The following DNAH12 variants were observed in gnomAD, a reference collection of about 807,000 sequenced individuals.
DNAH12 encodes dynein axonemal heavy chain 12.
In DNAH12, 285 loss-of-function variants were observed where a neutral mutation model predicts 371.5. That is an observed-to-expected ratio of 0.77 (90% CI 0.70 to 0.85). The LOEUF (loss-of-function observed/expected upper bound fraction) is 0.85, where lower values mean the gene tolerates loss of function less well. DNAH12 is among the 40% of genes least tolerant of loss of function. The pLI is 0.00. For missense variants in DNAH12, 3,611 were observed against 3,689.4 expected, an observed-to-expected ratio of 0.98 and a Z score of 0.55; for synonymous variants, 1,200 against 1,213.0, an observed-to-expected ratio of 0.99 and a Z score of 0.22.
At chr3:57,546,334 G>A (rs111533274), upstream of DNAH12, among the ~76,000 whole-genome samples, 48 of 152,164 alleles carry the variant, frequency 3.2e-4, no homozygotes, top group African/African-American at 1.1e-3. Context: ...TCTTGGAGGT[G>A]GGACAAATAA....
At chr3:57,360,101 C>T (rs1395808843) in intron 58 of DNAH12, among the ~76,000 whole-genome samples, 1 of 152,042 alleles carries the variant, frequency 6.6e-6, no homozygotes, top group Non-Finnish European at 1.5e-5. Context: ...ATAAATGCTC[C>T]CTATCTTCTC....
chr3:57,472,717 A>T, intron 13 of DNAH12, 46 bp from the exon 14 acceptor site: 1 of 1,516,710 alleles, frequency 6.6e-7, no homozygotes, highest in Non-Finnish European at 8.9e-7. Context: ...GAAAATCTAC[A>T]TCATTATGAA....
intron 58 of DNAH12, among the ~76,000 whole-genome samples, chr3:57,359,677 TA>T (rs2062880583): frequency 6.6e-6 from 1 of 151,850 alleles, no homozygotes; most frequent in Non-Finnish European, 1.5e-5. Context: ...TATTTATATA[TA>T]TTATACTTTC....
intron 12 of DNAH12, among the ~76,000 whole-genome samples, chr3:57,488,000 C>T (rs1391046118): frequency 2.6e-5 from 4 of 151,684 alleles, no homozygotes; most frequent in African/African-American, 7.3e-5. Flanking sequence ...TTGATATCTT[C>T]TCGTGTAGTA....
chr3:57,510,827 C>T lies in DNAH12; in HGVS notation c.432G>A (p.Val144=). The T allele has an allele frequency of 6.2e-7, 1 of 1,614,024 alleles. No homozygotes were observed. The highest frequency in any genetic ancestry group is 1.3e-5 in the African/African-American group (1 of 75,030). The change falls in exon 5 of 74, where the codon GTG becomes GTA. Residue 144 remains valine (V), a synonymous_variant. Transcript: ENST00000495027. ...EELLESLINE[V]SSDFENSMKR... ...TCATGCTGTTTTCAAAGTCACTTGA[C>T]ACCTCATTTATGAGACTTTCAAGAA...
At chr3:57,404,916 A>G in intron 42 of DNAH12, 53 bp downstream of exon 42, 15 of 1,403,114 alleles carry the variant, frequency 1.1e-5, no homozygotes, top group Admixed American at 3.5e-5. Flanking sequence ...CAAACATTTC[A>G]TAATAACATT....
chr3:57,333,353 T>A (rs1037236550), intron 62 of DNAH12, among the ~76,000 whole-genome samples: 1 of 133,566 alleles, frequency 7.5e-6, no homozygotes, highest in Non-Finnish European at 1.6e-5. Flanking sequence ...TTTTTTTAGA[T>A]GGAGTCTCGC....
chr3:57,419,622 G>A, intron 36 of DNAH12, 104 bp from the exon 37 acceptor site: 1 of 750,014 alleles, frequency 1.3e-6, no homozygotes, highest in Non-Finnish European at 1.9e-6. Flanking sequence ...AAAAACTTAA[G>A]TCTTCCCCCT....
At chr3:57,440,184 C>G (rs1482680443) in intron 29 of DNAH12, among the ~76,000 whole-genome samples, 1 of 152,128 alleles carries the variant, frequency 6.6e-6, no homozygotes, top group Non-Finnish European at 1.5e-5. Flanking sequence ...GGGTATATAT[C>G]CAAAAGAAAA....
intron 59 of DNAH12, among the ~76,000 whole-genome samples, chr3:57,356,886 G>A (rs1336643426): frequency 8.6e-5 from 13 of 152,000 alleles, no homozygotes; most frequent in African/African-American, 2.9e-4. Context: ...GGGATTACAG[G>A]TGCCCGCCAC....
At chr3:57,374,132 T>C (rs2063233598) in intron 55 of DNAH12, among the ~76,000 whole-genome samples, 1 of 152,216 alleles carries the variant, frequency 6.6e-6, no homozygotes, top group Non-Finnish European at 1.5e-5. Context: ...GGGCAAGGAT[T>C]TGAAAGTCAG....
At chr3:57,547,600 G>A (rs180834473), upstream of DNAH12, among the ~76,000 whole-genome samples, 20 of 152,214 alleles carry the variant, frequency 1.3e-4, no homozygotes, top group East Asian at 3.3e-3. Flanking sequence ...GAGATATCAG[G>A]TAGAGAGAAA....
intron 44 of DNAH12, among the ~76,000 whole-genome samples, chr3:57,393,570 G>A (rs1235214577): frequency 2.2e-5 from 3 of 134,826 alleles, no homozygotes; most frequent in East Asian, 2.4e-4. Flanking sequence ...AGGTTGCAGT[G>A]AGGCGAGACC....
rs574314911 is a variant in DNAH12, at chr3:57,501,242, A to G, written c.1335+79T>C. On this transcript the variant is annotated intron_variant, in intron 11 of 73. Transcript: ENST00000495027. ...TTTAAATAAGAAATTCTATTTAAGC[A>G]TTTACTTTTTAGAATGGAAAGATCC... is the stretch of plus-strand genomic sequence containing the variant. 43 of 1,022,340 alleles carry G rather than the reference A, an allele frequency of 4.2e-5. No individual in the cohort carries two copies. The African/African-American group carries it at 5.1e-4, about 12-fold the overall frequency. 63.3% of individuals were successfully genotyped at this position (1,022,340 alleles called of 1,614,324 possible).
intron 13 of DNAH12, among the ~76,000 whole-genome samples, chr3:57,480,365 A>C (rs2066695835): frequency 6.6e-6 from 1 of 152,124 alleles, no homozygotes; most frequent in African/African-American, 2.4e-5. Context: ...CCCAAGACCA[A>C]ACCAGGAAGA....
intron 29 of DNAH12, among the ~76,000 whole-genome samples, chr3:57,443,024 T>C (rs1421435183): frequency 6.6e-6 from 1 of 152,226 alleles, no homozygotes; most frequent in Admixed American, 6.5e-5. Context: ...TCCCATAAAG[T>C]AACAAGTTAC....
intron 58 of DNAH12, among the ~76,000 whole-genome samples, chr3:57,360,631 G>C (rs2062904776): frequency 6.6e-6 from 1 of 152,148 alleles, no homozygotes; most frequent in Non-Finnish European, 1.5e-5. Context: ...AGGTTGCAAT[G>C]AGCCAAGATG....
intron 42 of DNAH12, among the ~76,000 whole-genome samples, chr3:57,404,453 C>T (rs1553680292): frequency 6.6e-6 from 1 of 152,154 alleles, no homozygotes; most frequent in Admixed American, 6.6e-5. Context: ...TGGTGGCTCA[C>T]ATCTGTAATC....
chr3:57,389,822 G>GTGTGTATATATATATATATA (rs1326306277), intron 45 of DNAH12, among the ~76,000 whole-genome samples: 13 of 45,814 alleles, frequency 2.8e-4, no homozygotes, highest in Non-Finnish European at 7.1e-4. Context: ...GTGTGTGTGT[G>GTGTGTATATATATATATATA]TATATATATA....
Sources: allele counts gnomAD v4.1 joint callset (sites outside exome capture counted in the v4.1 genomes callset), GRCh38; gene constraint gnomAD v4.1.1; transcripts MANE v1.5; gene names NCBI Gene and HGNC (gene_info 2026-07-23, HGNC 2026-07-21).